Variants in CREB5 observed in about 807,000 individuals in gnomAD.
CREB5 encodes cAMP responsive element binding protein 5, also known as cyclic AMP-responsive element-binding protein 5.
CREB5 carries 19 observed loss-of-function variants against 57.1 expected under a neutral mutation model. The observed-to-expected ratio is 0.33, with a 90% CI of 0.23 to 0.49. The LOEUF (loss-of-function observed/expected upper bound fraction) is 0.49. Among genes scored for constraint, CREB5 ranks in the 20% least tolerant of loss-of-function variants. The pLI is 0.99. For missense variants in CREB5, 579 were observed against 671.6 expected (o/e 0.86, Z 1.52); for synonymous variants, 238 against 238.3 (o/e 1.00, Z 0.01).
chr7:28,639,265 G>C (rs1309655526), intron 5 of CREB5, among the ~76,000 whole-genome samples: 1 of 152,210 alleles, frequency 6.6e-6, no homozygotes, highest in African/African-American at 2.4e-5. Flanking sequence ...GCAAACGTGG[G>C]TCTCCTCTTA....
chr7:28,460,822 A>G (rs1790319529), intron 1 of CREB5, among the ~76,000 whole-genome samples: 1 of 152,046 alleles, frequency 6.6e-6, no homozygotes, highest in Non-Finnish European at 1.5e-5. Flanking sequence ...GAGGAGAAAG[A>G]AGGAAGTGAG....
At chr7:28,606,710 A>G (rs1427259658) in intron 5 of CREB5, among the ~76,000 whole-genome samples, 1 of 152,208 alleles carries the variant, frequency 6.6e-6, no homozygotes, top group African/African-American at 2.4e-5. Context: ...ATTGTCAGAA[A>G]CAGATATAAG....
intron 1 of CREB5, among the ~76,000 whole-genome samples, chr7:28,405,428 T>C (rs1787557529): frequency 6.6e-6 from 1 of 152,174 alleles, no homozygotes; most frequent in Admixed American, 6.5e-5. Context: ...TTTCCTTTTT[T>C]TGAAACAGGG....
intron 5 of CREB5, among the ~76,000 whole-genome samples, chr7:28,647,675 A>G: frequency 6.6e-6 from 1 of 152,202 alleles, no homozygotes; most frequent in Non-Finnish European, 1.5e-5. Context: ...ACATAACTGC[A>G]TTGTCTTTTT....
At chr7:28,730,874 T>C (rs116937639) in intron 7 of CREB5, among the ~76,000 whole-genome samples, 2,966 of 152,320 alleles carry the variant, frequency 0.019, 53 homozygotes, top group Non-Finnish European at 0.026. Context: ...TATATCATGC[T>C]ATCCCTGGCG....
chr7:28,752,170 T>G (rs1439199352), intron 7 of CREB5, among the ~76,000 whole-genome samples: 1 of 152,164 alleles, frequency 6.6e-6, no homozygotes. Flanking sequence ...CTCTTTGTAA[T>G]TTTTTCTTTT....
At chr7:28,496,045 G>GT (rs2128599655) in intron 3 of CREB5, among the ~76,000 whole-genome samples, 1 of 152,106 alleles carries the variant, frequency 6.6e-6, no homozygotes, top group African/African-American at 2.4e-5. Context: ...ATGACCTTGA[G>GT]TACTTATTGA....
chr7:28,560,825 C>CGTGT (rs1562797019), intron 4 of CREB5, among the ~76,000 whole-genome samples: 2 of 37,560 alleles, frequency 5.3e-5, no homozygotes, highest in African/African-American at 7.2e-5. Context: ...TGTGTGTGCG[C>CGTGT]GCGCGCGCGT....
At chr7:28,757,500 G>A (rs1389594088) in intron 7 of CREB5, among the ~76,000 whole-genome samples, 3 of 151,958 alleles carry the variant, frequency 2.0e-5, no homozygotes, top group Admixed American at 6.6e-5. Flanking sequence ...GTGAAACCCC[G>A]TCTCTACTAA....
chr7:28,347,520 TTA>T (rs1786085304), intron 1 of CREB5, among the ~76,000 whole-genome samples: 1 of 152,228 alleles, frequency 6.6e-6, no homozygotes, highest in Non-Finnish European at 1.5e-5. Context: ...ATGCCAGCAT[TTA>T]ATGTGTCACA....
At chr7:28,509,534 C>T (rs1475311711) in intron 4 of CREB5, among the ~76,000 whole-genome samples, 6 of 152,160 alleles carry the variant, frequency 3.9e-5, no homozygotes, top group South Asian at 4.1e-4. Context: ...AACATTGTGA[C>T]GAGCATATTT....
intron 4 of CREB5, among the ~76,000 whole-genome samples, chr7:28,521,057 C>CTT (rs1491003159): frequency 6.6e-6 from 1 of 152,060 alleles, no homozygotes; most frequent in Non-Finnish European, 1.5e-5. Context: ...GCAGTCTCTC[C>CTT]TTAAGAGGTA....
chr7:28,631,417 T>A (rs1798196779), intron 5 of CREB5, among the ~76,000 whole-genome samples: 4 of 152,176 alleles, frequency 2.6e-5, no homozygotes, highest in African/African-American at 9.7e-5. Context: ...GTTTCTTCAT[T>A]TGTAAAAATG....
chr7:28,635,526 GA>G (rs1045157738), intron 5 of CREB5, among the ~76,000 whole-genome samples: 5 of 152,160 alleles, frequency 3.3e-5, no homozygotes, highest in African/African-American at 1.2e-4. Context: ...CGATCATCAT[GA>G]GAAGGTTTAC....
rs955181968 is a variant in CREB5, at chr7:28,824,567, C to T, written c.*5288C>T. On this transcript the variant is annotated 3_prime_UTR_variant, in exon 11 of 11. Transcript: ENST00000357727. ...AGACGACACAGCAGCAATAAACTTACAAGTAAAATTCAATACCAAAACAAA... is the reference window on the plus strand; with the variant it reads ...AGACGACACAGCAGCAATAAACTTATAAGTAAAATTCAATACCAAAACAAA... 6.6e-6 allele frequency: 1 copy of T among 152,506 alleles called. No homozygotes were observed. Among genetic ancestry groups the T allele is most frequent in the Non-Finnish European group, 1.5e-5 (1 of 68,010 alleles). The allele number at this position is 152,506 out of a possible 1,614,324, so 9.4% of individuals were successfully genotyped here. A position where few individuals can be genotyped will look rare whatever the true frequency, so the allele number is the denominator to read the frequency against.
intron 2 of CREB5, among the ~76,000 whole-genome samples, chr7:28,490,547 T>C (rs1791751571): frequency 6.6e-6 from 1 of 152,242 alleles, no homozygotes; most frequent in Non-Finnish European, 1.5e-5. Context: ...AGCTGCACAT[T>C]AGTCATTAGA....
At chr7:28,503,412 A>C (rs1962615) in intron 3 of CREB5, among the ~76,000 whole-genome samples, 43,915 of 152,144 alleles carry the variant, frequency 0.29, 7,318 homozygotes, top group Non-Finnish European at 0.36. Context: ...TTTTGCAATT[A>C]AAATACCTGA....
chr7:28,367,122 C>T (rs553824425), intron 1 of CREB5, among the ~76,000 whole-genome samples: 81 of 152,280 alleles, frequency 5.3e-4, no homozygotes, highest in African/African-American at 1.9e-3. Context: ...CCTTTGCTGG[C>T]GATTTCTTCC....
chr7:28,560,921 T>TGC (rs1203532865), intron 4 of CREB5, among the ~76,000 whole-genome samples: 6 of 40,584 alleles, frequency 1.5e-4, no homozygotes, highest in African/African-American at 2.4e-4. Flanking sequence ...TGTGCGTGTG[T>TGC]GCGCGTGCGT....
Sources: allele counts gnomAD v4.1 joint callset (sites outside exome capture counted in the v4.1 genomes callset), GRCh38; gene constraint gnomAD v4.1.1; transcripts MANE v1.5; gene names NCBI Gene and HGNC (gene_info 2026-07-23, HGNC 2026-07-21).